The following MSR1 variants were observed in gnomAD, a reference collection of about 807,000 sequenced individuals.
MSR1 encodes macrophage scavenger receptor types I and II.
Under a neutral mutation model 47.2 loss-of-function variants are expected in MSR1, and 53 were observed. That is an observed-to-expected ratio of 1.12 (90% CI 0.90 to 1.41). The LOEUF (loss-of-function observed/expected upper bound fraction) is 1.41, where lower values mean the gene tolerates loss of function less well. Ranked by LOEUF, MSR1 falls within the 40% of genes most tolerant of loss-of-function variation. The pLI is 0.00. For synonymous variants in MSR1, 239 were observed against 185.6 expected (o/e 1.29, Z -2.34); for missense variants, 786 against 546.9 (o/e 1.44, Z -4.36).
intron 8 of MSR1, among the ~76,000 whole-genome samples, chr8:16,139,100 A>C (rs913631757): frequency 9.9e-5 from 15 of 152,076 alleles, no homozygotes; most frequent in African/African-American, 3.4e-4. Flanking sequence ...GACTCAGACA[A>C]ACTCATTGAT....
chr8:16,107,993 T>C lies in MSR1; in HGVS notation c.*2092A>G, dbSNP rs1799673329. On this transcript the variant is annotated 3_prime_UTR_variant, in exon 10 of 10. Coordinates refer to ENST00000262101, the MANE Select transcript of MSR1 (RefSeq NM_138715.3). ...CTTTTCTTGACTGGACTGAACTTAG[T>C]AGATTCTCTCAAATACAAAAAGGAT... is the stretch of plus-strand genomic sequence containing the variant. 1 of 151,894 alleles carries C rather than the reference T, an allele frequency of 6.6e-6. No individual in the cohort carries two copies. The highest frequency in any genetic ancestry group is 2.1e-4 in the South Asian group (1 of 4,822). 9.4% of individuals were successfully genotyped at this position (151,894 alleles called of 1,614,324 possible). A position where few individuals can be genotyped will look rare whatever the true frequency, so the allele number is the denominator to read the frequency against.
intron 1 of MSR1, among the ~76,000 whole-genome samples, chr8:16,188,383 G>GT (rs1486482664): frequency 2.0e-5 from 3 of 152,034 alleles, no homozygotes; most frequent in Non-Finnish European, 4.4e-5. Context: ...GTCTTTGGAT[G>GT]TATGTATACC....
chr8:16,160,614 T>A (rs1801134399), intron 5 of MSR1, among the ~76,000 whole-genome samples: 1 of 151,866 alleles, frequency 6.6e-6, no homozygotes, highest in Non-Finnish European at 1.5e-5. Flanking sequence ...AAGCAAATCA[T>A]GGTAGAGAGA....
chr8:16,131,496 T>C (rs76864960), intron 8 of MSR1, among the ~76,000 whole-genome samples: 5,855 of 141,688 alleles, frequency 0.041, 196 homozygotes, highest in East Asian at 0.12. Flanking sequence ...TTAGGACCCA[T>C]TTGTCAATTT....
At chr8:16,111,817 G>T (rs1444729966) in intron 9 of MSR1, among the ~76,000 whole-genome samples, 2 of 152,128 alleles carry the variant, frequency 1.3e-5, no homozygotes, top group African/African-American at 4.8e-5. Context: ...TTTTACTGTT[G>T]AGGAAACTGA....
chr8:16,168,903 G>A lies in MSR1; in HGVS notation c.218-33C>T. Reference sequence around the variant, plus strand: ...TTTAAGTAAAAATAAACCAGTCATGGCCTGATCCTTGAATGCATACAGGAT... The same window carrying A: ...TTTAAGTAAAAATAAACCAGTCATGACCTGATCCTTGAATGCATACAGGAT... On this transcript the variant is annotated intron_variant, in intron 3 of 9. Coordinates refer to ENST00000262101, the MANE Select transcript of MSR1 (RefSeq NM_138715.3). The A allele has an allele frequency of 1.2e-6, 2 of 1,600,900 alleles. 1 individual carries two copies.
At chr8:16,154,520 T>G (rs915165967) in intron 6 of MSR1, among the ~76,000 whole-genome samples, 1 of 152,024 alleles carries the variant, frequency 6.6e-6, no homozygotes, top group African/African-American at 2.4e-5. Context: ...CATCCATATT[T>G]TAGCCAATAT....
At chr8:16,139,575 C>T (rs1031666442) in intron 8 of MSR1, 2 of 977,160 alleles carry the variant, frequency 2.0e-6, no homozygotes, top group Admixed American at 6.2e-5. Flanking sequence ...TAGAGAGAAA[C>T]CAAAAATATA....
At chr8:16,135,875 G>A (rs1186345834) in intron 8 of MSR1, among the ~76,000 whole-genome samples, 2 of 152,122 alleles carry the variant, frequency 1.3e-5, no homozygotes, top group Non-Finnish European at 2.9e-5. Context: ...TACAGATGTG[G>A]TATAAATAAT....
intron 9 of MSR1, among the ~76,000 whole-genome samples, chr8:16,110,696 G>A (rs6995009): frequency 0.091 from 13,823 of 151,982 alleles, 831 homozygotes; most frequent in African/African-American, 0.16. Context: ...TTATCTTCCC[G>A]TGTATTTCAA....
Position 16,130,806 on chromosome 8 carries a change from G to GAA in MSR1, c.1034-10201_1034-10200insTT, listed in dbSNP as rs1227494764. Among the ~76,000 whole-genome samples, 201 of 152,028 alleles carry GAA rather than the reference G, an allele frequency of 1.3e-3. 2 individuals are homozygous for GAA. Among genetic ancestry groups the GAA allele is most frequent in the African/African-American group, 4.8e-3 (200 of 41,506 alleles). On this transcript the variant is annotated intron_variant, in intron 8 of 9. Transcript: ENST00000262101. ...TTCCAACCATATTCCTTCAAAGAACGTGACTCATTCTTTTGTATGGCTGCA... is the reference window on the plus strand; with the variant it reads ...TTCCAACCATATTCCTTCAAAGAACGAATGACTCATTCTTTTGTATGGCTGCA...
At chr8:16,177,427 G>C (rs1205705607) in intron 2 of MSR1, among the ~76,000 whole-genome samples, 1 of 152,016 alleles carries the variant, frequency 6.6e-6, no homozygotes, top group Non-Finnish European at 1.5e-5. Flanking sequence ...GCTGGGAGGA[G>C]GCACAGGAAG....
chr8:16,186,183 C>A, intron 1 of MSR1: 1 of 1,535,274 alleles, frequency 6.5e-7, no homozygotes, highest in Non-Finnish European at 8.7e-7. Flanking sequence ...AAGAGAGATA[C>A]TGATGATTGC....
At chr8:16,144,034 A>C (rs906310359) in intron 7 of MSR1, among the ~76,000 whole-genome samples, 3 of 151,990 alleles carry the variant, frequency 2.0e-5, no homozygotes, top group Non-Finnish European at 2.9e-5. Context: ...TACCATCCCC[A>C]AAAACTGGGC....
Position 16,109,915 on chromosome 8 carries a change from C to A in MSR1, c.*170G>T. On this transcript the variant is annotated 3_prime_UTR_variant, in exon 10 of 10. Transcript: ENST00000262101. The stretch of plus-strand genomic sequence containing the variant: ...GAAGTTAAAATGATTTAAATATAGA[C>A]ATAAAATAGTAAGCATGAAGGTGTT... The A allele has an allele frequency of 1.4e-6, 1 of 729,114 alleles. No individual in the cohort carries two copies. The highest frequency in any genetic ancestry group is 2.2e-6 in the Non-Finnish European group (1 of 451,470). 45.2% of individuals were successfully genotyped at this position (729,114 alleles called of 1,614,324 possible). A position where few individuals can be genotyped will look rare whatever the true frequency, so the allele number is the denominator to read the frequency against.
intron 1 of MSR1, among the ~76,000 whole-genome samples, chr8:16,185,434 T>C (rs1026245933): frequency 1.3e-5 from 2 of 152,188 alleles, no homozygotes; most frequent in African/African-American, 2.4e-5. Context: ...ACTGTGGTTA[T>C]ATCATCCATT....
intron 5 of MSR1, among the ~76,000 whole-genome samples, chr8:16,160,328 G>C (rs1801127558): frequency 6.6e-6 from 1 of 152,004 alleles, no homozygotes; most frequent in Non-Finnish European, 1.5e-5. Flanking sequence ...AATTAAAATT[G>C]ATAGCTTGGA....
intron 5 of MSR1, among the ~76,000 whole-genome samples, chr8:16,158,841 C>T (rs576912297): frequency 2.9e-4 from 44 of 151,632 alleles, no homozygotes; most frequent in Non-Finnish European, 5.6e-4. Flanking sequence ...CTTCATTTTC[C>T]ACATCTGTTC....
intron 8 of MSR1, chr8:16,140,590 G>C (rs1657813657): frequency 1.9e-6 from 2 of 1,074,296 alleles, no homozygotes; most frequent in Non-Finnish European, 1.1e-6. Context: ...CGCTTTGCTT[G>C]ACTGAAACAT....
Sources: allele counts gnomAD v4.1 joint callset (sites outside exome capture counted in the v4.1 genomes callset), GRCh38; gene constraint gnomAD v4.1.1; transcripts MANE v1.5; gene names NCBI Gene and HGNC (gene_info 2026-07-23, HGNC 2026-07-21).